Variants in SEMA3E observed in about 807,000 individuals in gnomAD.
The protein encoded by SEMA3E is semaphorin 3E.
In SEMA3E, 49 loss-of-function variants were observed where a neutral mutation model predicts 93.6. The observed-to-expected ratio is 0.52, with a 90% CI of 0.42 to 0.66. SEMA3E has a LOEUF of 0.66. Ranked by LOEUF, SEMA3E falls within the 30% of genes least tolerant of loss-of-function variation. The probability of loss-of-function intolerance (pLI) is 0.00; values close to 1 mark genes in which losing one functional copy is unlikely to be tolerated. For missense variants in SEMA3E, 906 were observed against 964.8 expected (o/e 0.94, Z 0.81); for synonymous variants, 363 against 330.7 (o/e 1.10, Z -1.06).
intron 1 of SEMA3E, among the ~76,000 whole-genome samples, chr7:83,545,362 T>A (rs1407592408): frequency 6.6e-6 from 1 of 151,980 alleles, no homozygotes; most frequent in African/African-American, 2.4e-5. Flanking sequence ...GAGTCAGTCC[T>A]TCCAGGCCAC....
chr7:83,547,093 G>T lies in SEMA3E; in HGVS notation c.116-56819C>A, dbSNP rs1791667086. Among the ~76,000 whole-genome samples, 3 of 152,084 alleles carry T rather than the reference G, an allele frequency of 2.0e-5. No individual in the cohort carries two copies. In the South Asian group the frequency reaches 6.2e-4, roughly 32 times the overall value. On this transcript the variant is annotated intron_variant, in intron 1 of 16. Coordinates refer to ENST00000643230, the MANE Select transcript of SEMA3E (RefSeq NM_012431.3). ...CAATTGCCTATGTGATACATCCTGA[G>T]AGTTTTGAAAAACCACCAAATGTTA...
chr7:83,612,233 A>G (rs1793281113), intron 1 of SEMA3E, among the ~76,000 whole-genome samples: 1 of 152,146 alleles, frequency 6.6e-6, no homozygotes, highest in Non-Finnish European at 1.5e-5. Flanking sequence ...AATAGAATAT[A>G]TAATATCTTC....
At chr7:83,551,418 C>G (rs1166160881) in intron 1 of SEMA3E, among the ~76,000 whole-genome samples, 1 of 151,852 alleles carries the variant, frequency 6.6e-6, no homozygotes, top group Non-Finnish European at 1.5e-5. Flanking sequence ...TTATAAAGTA[C>G]CAAACCAAGC....
chr7:83,431,252 T>G (rs924002136), intron 4 of SEMA3E, among the ~76,000 whole-genome samples: 3 of 151,082 alleles, frequency 2.0e-5, no homozygotes, highest in Non-Finnish European at 4.4e-5. Context: ...ATGGCAGAAA[T>G]AAAATAAAGT....
chr7:83,500,458 C>T (rs1179644197), intron 1 of SEMA3E, among the ~76,000 whole-genome samples: 1 of 151,534 alleles, frequency 6.6e-6, no homozygotes, highest in Non-Finnish European at 1.5e-5. Flanking sequence ...AACAAAACAA[C>T]AAAAAAACTT....
intron 2 of SEMA3E, among the ~76,000 whole-genome samples, chr7:83,483,535 C>T (rs1790191032): frequency 6.6e-6 from 1 of 151,848 alleles, no homozygotes; most frequent in Non-Finnish European, 1.5e-5. Flanking sequence ...TGCCAGACTG[C>T]CAAATGAATC....
At chr7:83,562,336 A>G (rs1261357988) in intron 1 of SEMA3E, among the ~76,000 whole-genome samples, 3 of 152,090 alleles carry the variant, frequency 2.0e-5, no homozygotes, top group African/African-American at 7.2e-5. Flanking sequence ...CTGCATTTGT[A>G]TAATGTAATT....
chr7:83,616,551 C>T (rs1793370866), intron 1 of SEMA3E: 1 of 299,028 alleles, frequency 3.3e-6, no homozygotes, highest in Admixed American at 4.5e-5. Context: ...ATATTCCCTG[C>T]TGTTTTTCAA....
At chr7:83,455,785 C>T (rs549040800) in intron 4 of SEMA3E, among the ~76,000 whole-genome samples, 4 of 152,376 alleles carry the variant, frequency 2.6e-5, no homozygotes, top group Non-Finnish European at 4.4e-5. Flanking sequence ...TGGCAAGGAA[C>T]TGCATGTGAC....
intron 14 of SEMA3E, among the ~76,000 whole-genome samples, chr7:83,389,332 A>ATTTTATACTATCCCCGT (rs1463467839): frequency 2.1e-5 from 3 of 143,148 alleles, no homozygotes; most frequent in Admixed American, 7.1e-5. Flanking sequence ...ATAGGAATAA[A>ATTTTATACTATCCCCGT]ATCAACAAAA....
intron 14 of SEMA3E, among the ~76,000 whole-genome samples, chr7:83,391,386 C>T (rs527627131): frequency 2.6e-5 from 4 of 152,056 alleles, no homozygotes; most frequent in Admixed American, 2.6e-4. Flanking sequence ...CTTCATATCC[C>T]TGGCACATAG....
chr7:83,488,784 G>A (rs1420235904), intron 2 of SEMA3E, among the ~76,000 whole-genome samples: 1 of 152,090 alleles, frequency 6.6e-6, no homozygotes, highest in Non-Finnish European at 1.5e-5. Context: ...GTGGAGCATG[G>A]AGGATACCTT....
intron 5 of SEMA3E, among the ~76,000 whole-genome samples, chr7:83,410,637 T>C (rs1208154157): frequency 5.3e-5 from 8 of 152,100 alleles, no homozygotes; most frequent in South Asian, 4.1e-4. Flanking sequence ...AATGCATAAA[T>C]GCATTCAGTG....
At chr7:83,600,842 GA>G (rs1562849977) in intron 1 of SEMA3E, among the ~76,000 whole-genome samples, 3 of 152,158 alleles carry the variant, frequency 2.0e-5, no homozygotes, top group Non-Finnish European at 4.4e-5. Flanking sequence ...ACTTAGACTA[GA>G]CTCTAGAGAG....
At chr7:83,447,802 G>A (rs1026550928) in intron 4 of SEMA3E, among the ~76,000 whole-genome samples, 1 of 152,130 alleles carries the variant, frequency 6.6e-6, no homozygotes, top group Non-Finnish European at 1.5e-5. Context: ...CGTGCCAAAT[G>A]ATATTTTTCC....
intron 1 of SEMA3E, among the ~76,000 whole-genome samples, chr7:83,564,407 G>T (rs1189941884): frequency 1.3e-5 from 2 of 151,146 alleles, no homozygotes; most frequent in Non-Finnish European, 2.9e-5. Flanking sequence ...GTGACAGAGT[G>T]AGAGTCTGTA....
intron 1 of SEMA3E, among the ~76,000 whole-genome samples, chr7:83,603,541 GA>G (rs1320844101): frequency 1.3e-5 from 2 of 151,974 alleles, no homozygotes; most frequent in African/African-American, 4.8e-5. Context: ...TATCTTTTCA[GA>G]AAAAACTAGA....
At position 83,492,727 on chromosome 7, in the gene SEMA3E, TAC is replaced by T. The variant is rs148334803; in HGVS notation, c.116-2455_116-2454del. On this transcript the variant is annotated intron_variant, in intron 1 of 16. Coordinates refer to ENST00000643230, the MANE Select transcript of SEMA3E (RefSeq NM_012431.3). ...CTTTATGTTTATTTATATATATATGTACACACACACACACACATATACTTTTA... is the reference window on the plus strand; with the variant it reads ...CTTTATGTTTATTTATATATATATGTACACACACACACACATATACTTTTA... Among the ~76,000 whole-genome samples the T allele has an allele frequency of 8.6e-5, 13 of 150,540 alleles. No individual in the cohort carries two copies. In the South Asian group the frequency reaches 1.2e-3, roughly 14 times the overall value.
At position 83,547,789 on chromosome 7, in the gene SEMA3E, G is replaced by A. The variant is rs372030355; in HGVS notation, c.116-57515C>T. ...CTTCCACCCACAGAGTTTCAGAGGG[G>A]TATATCCTGCCTTTTAACTGCCAGG... is the stretch of plus-strand genomic sequence containing the variant. On this transcript the variant is annotated intron_variant, in intron 1 of 16. Coordinates refer to ENST00000643230, the MANE Select transcript of SEMA3E (RefSeq NM_012431.3). Among the ~76,000 whole-genome samples, 50 of 152,144 alleles carry A rather than the reference G, an allele frequency of 3.3e-4. 3 individuals are homozygous for A. In the South Asian group the frequency reaches 9.1e-3, roughly 28 times the overall value.
Sources: allele counts gnomAD v4.1 joint callset (sites outside exome capture counted in the v4.1 genomes callset), GRCh38; gene constraint gnomAD v4.1.1; transcripts MANE v1.5; gene names NCBI Gene and HGNC (gene_info 2026-07-23, HGNC 2026-07-21).